BANF2: variants seen among roughly 807,000 people sequenced by gnomAD.
BANF2 encodes the protein BANF family member 2.
In BANF2, 4 loss-of-function variants were observed where a neutral mutation model predicts 8.0. The observed-to-expected ratio is 0.50, with a 90% confidence interval of 0.25 to 1.14. The LOEUF is 1.14. Ranked by LOEUF, BANF2 falls within the 50% of genes most tolerant of loss-of-function variation. The probability of loss-of-function intolerance (pLI) is 0.16; values close to 1 mark genes in which losing one functional copy is unlikely to be tolerated. For synonymous variants in BANF2, 50 were observed against 40.6 expected (o/e 1.23, Z -0.88); for missense variants, 96 against 107.5 (o/e 0.89, Z 0.47).
chr20:17,732,491 G>A (rs903758700), intron 3 of BANF2, among the ~76,000 whole-genome samples: 1 of 152,186 alleles, frequency 6.6e-6, no homozygotes, highest in African/African-American at 2.4e-5. Context: ...CAAGTAGCTG[G>A]GATTACACGC....
chr20:17,716,101 A>G (rs1423167092), intron 1 of BANF2, among the ~76,000 whole-genome samples: 3 of 152,182 alleles, frequency 2.0e-5, no homozygotes, highest in East Asian at 3.9e-4. Flanking sequence ...TGCCTGCCCC[A>G]GGATACTGTG....
At chr20:17,705,689 T>C (rs2037472003) in intron 1 of BANF2, among the ~76,000 whole-genome samples, 1 of 152,230 alleles carries the variant, frequency 6.6e-6, no homozygotes. Flanking sequence ...GTAACCTAAC[T>C]CTATTCCTCC....
At chr20:17,735,555 C>T in intron 3 of BANF2, 110 bp from the exon 4 acceptor site, 1 of 1,311,836 alleles carries the variant, frequency 7.6e-7, no homozygotes, top group Non-Finnish European at 1.1e-6. Flanking sequence ...CGGCCCTGCT[C>T]CCCCTCCTTT....
intron 3 of BANF2, among the ~76,000 whole-genome samples, chr20:17,729,927 C>T (rs1003229495): frequency 5.9e-5 from 9 of 152,276 alleles, no homozygotes; most frequent in Non-Finnish European, 8.8e-5. Context: ...AGACATCCCC[C>T]GAATGCAGAA....
chr20:17,713,130 T>C (rs1171784649), intron 1 of BANF2, among the ~76,000 whole-genome samples: 1 of 152,096 alleles, frequency 6.6e-6, no homozygotes, highest in Non-Finnish European at 1.5e-5. Context: ...TGCATATCTG[T>C]AGTCCCAGCT....
chr20:17,701,403 G>A (rs1398666994), intron 1 of BANF2, among the ~76,000 whole-genome samples: 1 of 152,180 alleles, frequency 6.6e-6, no homozygotes, highest in Non-Finnish European at 1.5e-5. Flanking sequence ...AGACTGTTCT[G>A]TGCTGGTGCC....
chr20:17,728,341 C>T (rs913283174), intron 3 of BANF2, among the ~76,000 whole-genome samples: 2 of 152,214 alleles, frequency 1.3e-5, no homozygotes, highest in Non-Finnish European at 2.9e-5. Flanking sequence ...TCACACTTAC[C>T]TCCCTGGGCT....
intron 1 of BANF2, among the ~76,000 whole-genome samples, chr20:17,713,257 G>A (rs1459454673): frequency 2.0e-5 from 3 of 151,664 alleles, no homozygotes; most frequent in Admixed American, 1.3e-4. Context: ...TAAAAAGAAA[G>A]AATGAGAGAG....
At chr20:17,724,910 C>T in intron 2 of BANF2, 113 bp from the exon 3 acceptor site, 1 of 1,115,766 alleles carries the variant, frequency 9.0e-7, no homozygotes, top group Non-Finnish European at 1.3e-6. Flanking sequence ...GGAAGGAATT[C>T]TGCCATCTGT....
chr20:17,725,187 CCCTA>C lies in BANF2; in HGVS notation c.126+40_126+43del, dbSNP rs2037789606. ...TTTTCTTACTTCTCTGACTTCTCTT[CCCTA>C]CCTTTCTTCCCCCAGTCCTGCCAGA... On this transcript the variant is annotated intron_variant, in intron 3 of 3. Transcript: ENST00000246090. The C allele has an allele frequency of 5.0e-6, 8 of 1,588,052 alleles. No homozygotes were observed. The African/African-American group carries it at 8.1e-5, about 16-fold the overall frequency.
intron 3 of BANF2, among the ~76,000 whole-genome samples, chr20:17,728,400 C>G (rs186163203): frequency 2.1e-3 from 317 of 152,218 alleles, no homozygotes; most frequent in Non-Finnish European, 3.4e-3. Flanking sequence ...TGCTGGATGC[C>G]CTGGGGGAGA....
intron 1 of BANF2, among the ~76,000 whole-genome samples, chr20:17,707,628 G>A (rs1241813041): frequency 6.6e-6 from 1 of 151,826 alleles, no homozygotes; most frequent in Non-Finnish European, 1.5e-5. Context: ...TGCCCAGGCT[G>A]GAGTGCAATG....
At chr20:17,710,479 G>A (rs922805047) in intron 1 of BANF2, among the ~76,000 whole-genome samples, 1 of 152,208 alleles carries the variant, frequency 6.6e-6, no homozygotes, top group Non-Finnish European at 1.5e-5. Flanking sequence ...TGGCCATACA[G>A]AGGCAGGCAC....
chr20:17,729,066 T>C (rs1022333599), intron 3 of BANF2, among the ~76,000 whole-genome samples: 9 of 152,230 alleles, frequency 5.9e-5, no homozygotes, highest in Admixed American at 5.2e-4. Context: ...ATCACGTATG[T>C]GGCTAGCTCA....
intron 1 of BANF2, among the ~76,000 whole-genome samples, chr20:17,718,434 C>T (rs945421858): frequency 2.6e-5 from 4 of 152,148 alleles, no homozygotes; most frequent in Non-Finnish European, 4.4e-5. Context: ...CTCAGCCTCC[C>T]GAAGCGCTGG....
chr20:17,713,122 C>T (rs1381236754), intron 1 of BANF2, among the ~76,000 whole-genome samples: 1 of 151,942 alleles, frequency 6.6e-6, no homozygotes, highest in East Asian at 1.9e-4. Context: ...CATGGTGGTG[C>T]ATATCTGTAG....
chr20:17,715,666 AATGGGGAGGCCTTTGTGC>A (rs1869011896), intron 1 of BANF2, among the ~76,000 whole-genome samples: 2 of 152,174 alleles, frequency 1.3e-5, no homozygotes, highest in South Asian at 4.1e-4. Context: ...CTCTGGGTGG[AATGGGGAGGCCTTTGTGC>A]CCAGCACAGT....
At chr20:17,698,363 G>A (rs755262214), upstream of BANF2, among the ~76,000 whole-genome samples, 7 of 152,116 alleles carry the variant, frequency 4.6e-5, no homozygotes, top group Admixed American at 2.0e-4. Context: ...TGCTGGCACC[G>A]TGCTTCCTGA....
At chr20:17,712,717 A>G (rs1413941977) in intron 1 of BANF2, among the ~76,000 whole-genome samples, 1 of 152,092 alleles carries the variant, frequency 6.6e-6, no homozygotes, top group East Asian at 1.9e-4. Flanking sequence ...CCCTCCCGAG[A>G]CAACATTGCT....
Sources: gnomAD v4.1 joint callset for allele counts (sites outside exome capture counted in the v4.1 genomes callset) on GRCh38, gnomAD v4.1.1 for gene constraint, MANE v1.5 for transcripts, NCBI Gene and HGNC (gene_info 2026-07-23, HGNC 2026-07-21) for gene names.